The following PGPEP1L variants were observed in gnomAD, a reference collection of about 807,000 sequenced individuals.
The protein encoded by PGPEP1L is pyroglutamyl-peptidase 1-like protein.
PGPEP1L carries 7 observed loss-of-function variants against 6.0 expected under a neutral mutation model. The ratio of observed to expected loss-of-function variants is 1.17; its 90% CI spans 0.66 to 2.19. The LOEUF (loss-of-function observed/expected upper bound fraction) is 2.19. PGPEP1L is among the 30% of genes most tolerant of loss of function. The pLI is 0.00. For synonymous variants in PGPEP1L, 103 were observed against 83.9 expected, an observed-to-expected ratio of 1.23 and a Z score of -1.24; for missense variants, 209 against 192.5, an observed-to-expected ratio of 1.09 and a Z score of -0.51.
chr15:98,968,505 G>A lies in PGPEP1L; in HGVS notation c.402C>T (p.Thr134=). The A allele has an allele frequency of 6.2e-7, 1 of 1,613,632 alleles. No individual in the cohort carries two copies. Among genetic ancestry groups the A allele is most frequent in the Non-Finnish European group, 8.5e-7 (1 of 1,179,804 alleles). ...KHRAQFEENS[T]MVLPAKGN Reference sequence around the variant, plus strand: ...AGTTCCCTTTGGCTGGAAGGACCATGGTTGAGTTTTCTTCGAACTGGGCTC... The same window carrying A: ...AGTTCCCTTTGGCTGGAAGGACCATAGTTGAGTTTTCTTCGAACTGGGCTC... Residue 134 remains threonine, a synonymous_variant, in exon 5 of 5, where the codon ACC becomes ACT. Transcript: ENST00000535714.
At chr15:98,993,528 G>C (rs1178381945) in intron 2 of PGPEP1L, among the ~76,000 whole-genome samples, 2 of 152,006 alleles carry the variant, frequency 1.3e-5, no homozygotes, top group African/African-American at 2.4e-5. Flanking sequence ...CAATTATACA[G>C]TGTAGCGATT....
intron 2 of PGPEP1L, among the ~76,000 whole-genome samples, chr15:99,000,193 G>A (rs1596527877): frequency 6.6e-6 from 1 of 152,360 alleles, no homozygotes; most frequent in East Asian, 1.9e-4. Flanking sequence ...TAGCATCTGG[G>A]CCAGTAGCTG....
chr15:99,001,362 G>T, intron 2 of PGPEP1L: 1 of 211,308 alleles, frequency 4.7e-6, no homozygotes, highest in Non-Finnish European at 9.9e-6. Context: ...ACATCTATAG[G>T]GACAAAGTAT....
intron 2 of PGPEP1L, among the ~76,000 whole-genome samples, chr15:99,003,728 T>C (rs2018007874): frequency 6.8e-6 from 1 of 147,690 alleles, no homozygotes; most frequent in African/African-American, 2.6e-5. Context: ...CATGGCTGAT[T>C]ATCAGGTATT....
chr15:98,979,681 C>T (rs544766467), intron 2 of PGPEP1L, among the ~76,000 whole-genome samples: 141 of 117,574 alleles, frequency 1.2e-3, no homozygotes, highest in Non-Finnish European at 1.8e-3. Flanking sequence ...GACAGAGTCT[C>T]ACTCTGTCAC....
At chr15:98,985,821 G>A (rs967092785) in intron 2 of PGPEP1L, among the ~76,000 whole-genome samples, 55 of 152,214 alleles carry the variant, frequency 3.6e-4, no homozygotes, top group Non-Finnish European at 1.2e-4. Context: ...GAACTACTCT[G>A]CATAAAAAGT....
chr15:98,971,578 T>C (rs997527096), intron 2 of PGPEP1L, among the ~76,000 whole-genome samples: 1 of 152,200 alleles, frequency 6.6e-6, no homozygotes, highest in African/African-American at 2.4e-5. Flanking sequence ...AAAGCTATCC[T>C]TCAAACATGA....
At position 98,969,422 on chromosome 15, in the gene PGPEP1L, T is replaced by C. The variant is rs767778483; in HGVS notation, c.209+3A>G. ...TCAGAGTCCTGACACCCACAGAGCA[T>C]ACCTGCCTGCATCTCGGGAAAAGAT... On this transcript the variant is annotated splice_donor_region_variant and intron_variant, in intron 4 of 4. Coordinates refer to ENST00000535714, the MANE Select transcript of PGPEP1L (RefSeq NM_001167902.2). The C allele has an allele frequency of 6.2e-6, 10 of 1,613,938 alleles. No individual in the cohort carries two copies. Among genetic ancestry groups the C allele is most frequent in the Admixed American group, 5.0e-5 (3 of 60,026 alleles).
At chr15:99,000,063 G>A (rs1419759230) in intron 2 of PGPEP1L, among the ~76,000 whole-genome samples, 5 of 152,232 alleles carry the variant, frequency 3.3e-5, no homozygotes, top group African/African-American at 2.4e-5. Flanking sequence ...AGGCGCGGGC[G>A]GGAACCGGGG....
chr15:99,001,890 G>A (rs940426614), intron 2 of PGPEP1L, among the ~76,000 whole-genome samples: 3 of 152,026 alleles, frequency 2.0e-5, no homozygotes, highest in Admixed American at 6.6e-5. Context: ...GCTAATTTTT[G>A]TATTTTTAGT....
At chr15:99,001,399 G>A (rs1298043834) in intron 2 of PGPEP1L, 16 of 176,124 alleles carry the variant, frequency 9.1e-5, no homozygotes, top group Non-Finnish European at 1.7e-4. Flanking sequence ...AGCTGGGTAT[G>A]TGTGTTGTGG....
At chr15:99,002,708 A>C (rs1303766790) in intron 2 of PGPEP1L, among the ~76,000 whole-genome samples, 1 of 152,186 alleles carries the variant, frequency 6.6e-6, no homozygotes, top group Admixed American at 6.5e-5. Context: ...CCAGTGCCAG[A>C]TATGCCTGTG....
At chr15:98,969,256 G>T (rs987285677) in intron 4 of PGPEP1L, among the ~76,000 whole-genome samples, 169 bp downstream of exon 4, 7 of 152,188 alleles carry the variant, frequency 4.6e-5, no homozygotes, top group Non-Finnish European at 8.8e-5. Context: ...GGCAAGGTGT[G>T]AGCAACTGTG....
At chr15:99,000,526 C>T (rs576480506) in intron 2 of PGPEP1L, among the ~76,000 whole-genome samples, 2 of 152,162 alleles carry the variant, frequency 1.3e-5, no homozygotes, top group African/African-American at 2.4e-5. Flanking sequence ...ATACACCAAT[C>T]GGCACTCTGT....
chr15:98,984,184 TG>T (rs2017712101), intron 2 of PGPEP1L, among the ~76,000 whole-genome samples: 1 of 152,060 alleles, frequency 6.6e-6, no homozygotes, highest in African/African-American at 2.4e-5. Context: ...CTAATTTTTT[TG>T]TATTTTAGCA....
rs190133003 is a variant in PGPEP1L, at chr15:98,969,704, C to G, written c.-18-53G>C. 6.3e-6 allele frequency: 10 copies of G among 1,575,256 alleles called. No individual in the cohort carries two copies. The Admixed American group carries it at 1.2e-4, about 18-fold the overall frequency. The stretch of plus-strand genomic sequence containing the variant: ...ACCCAGGAAAACGAGGCCCACCCTG[C>G]TCACCAAATGTGCAGAAGGGGCCAC... On this transcript the variant is annotated intron_variant, in intron 3 of 4. Coordinates refer to ENST00000535714, the MANE Select transcript of PGPEP1L (RefSeq NM_001167902.2).
At chr15:98,982,469 A>C (rs2017678650) in intron 2 of PGPEP1L, among the ~76,000 whole-genome samples, 2 of 152,148 alleles carry the variant, frequency 1.3e-5, no homozygotes, top group Non-Finnish European at 2.9e-5. Context: ...CCCACTAACA[A>C]GGTGGGGCTC....
intron 4 of PGPEP1L, among the ~76,000 whole-genome samples, chr15:98,968,996 C>T (rs1252204764): frequency 1.3e-5 from 2 of 152,094 alleles, no homozygotes; most frequent in Non-Finnish European, 2.9e-5. Flanking sequence ...GTCACTTACT[C>T]ATTCATTCAC....
intron 2 of PGPEP1L, among the ~76,000 whole-genome samples, chr15:98,983,144 A>G (rs1000164597): frequency 1.6e-5 from 2 of 123,960 alleles, no homozygotes; most frequent in African/African-American, 6.3e-5. Context: ...TGGGAAGAAT[A>G]AAGGTTCTCT....
Sources: allele counts gnomAD v4.1 joint callset (sites outside exome capture counted in the v4.1 genomes callset), GRCh38; gene constraint gnomAD v4.1.1; transcripts MANE v1.5; gene names NCBI Gene and HGNC (gene_info 2026-07-23, HGNC 2026-07-21).